Variants in BBS12 observed in about 807,000 individuals in gnomAD.
The protein encoded by BBS12 is Bardet-Biedl syndrome 12.
BBS12 carries 5 observed loss-of-function variants against 5.6 expected under a neutral mutation model. The ratio of observed to expected loss-of-function variants is 0.89; its 90% CI spans 0.46 to 1.86. BBS12 has a LOEUF of 1.86. BBS12 is among the 40% of genes most tolerant of loss of function. The pLI is 0.01. For synonymous variants in BBS12, 308 were observed against 306.8 expected (o/e 1.00, Z -0.04); for missense variants, 748 against 830.4 (o/e 0.90, Z 1.22).
chr4:122,700,988 T>C, the BBS12 span, among the ~76,000 whole-genome samples: 14 of 152,210 alleles, frequency 9.2e-5, no homozygotes, highest in Non-Finnish European at 2.1e-4. Context: ...TGAGTAGTGA[T>C]GCTGTGTGGC....
At chr4:122,705,336 G>A in the BBS12 span, among the ~76,000 whole-genome samples, 1 of 152,196 alleles carries the variant, frequency 6.6e-6, no homozygotes, top group Non-Finnish European at 1.5e-5. Flanking sequence ...GCCAGGTGCG[G>A]TGGCTCATGC....
At chr4:122,708,002 C>CT in the BBS12 span, among the ~76,000 whole-genome samples, 1 of 115,756 alleles carries the variant, frequency 8.6e-6, no homozygotes, top group Admixed American at 8.9e-5. Flanking sequence ...CTCTTTCTCT[C>CT]TTTTTTTTCT....
chr4:122,706,631 AT>A, the BBS12 span, among the ~76,000 whole-genome samples: 2 of 152,192 alleles, frequency 1.3e-5, no homozygotes, highest in African/African-American at 4.8e-5. Context: ...TTTGGGAAAA[AT>A]TTTTCCTATG....
At chr4:122,723,592 G>A in the BBS12 span, among the ~76,000 whole-genome samples, 1 of 152,156 alleles carries the variant, frequency 6.6e-6, no homozygotes, top group Non-Finnish European at 1.5e-5. Flanking sequence ...CTTTGGAGTT[G>A]CAAAAGTTCT....
At chr4:122,710,343 G>C in the BBS12 span, among the ~76,000 whole-genome samples, 1 of 152,164 alleles carries the variant, frequency 6.6e-6, no homozygotes, top group African/African-American at 2.4e-5. Context: ...AAAGATCTAA[G>C]GCAGGAGAAA....
the BBS12 span, among the ~76,000 whole-genome samples, chr4:122,720,260 G>A: frequency 6.6e-6 from 1 of 152,234 alleles, no homozygotes; most frequent in South Asian, 2.1e-4. Flanking sequence ...AGACCAGCCT[G>A]GCCAACATGG....
the BBS12 span, among the ~76,000 whole-genome samples, chr4:122,721,614 A>C: frequency 6.6e-6 from 1 of 152,176 alleles, no homozygotes; most frequent in African/African-American, 2.4e-5. Context: ...AGGCTTGCTA[A>C]CTTGTCTGTT....
intron 1 of BBS12, among the ~76,000 whole-genome samples, chr4:122,738,040 T>A (rs1800810854): frequency 6.6e-6 from 1 of 152,164 alleles, no homozygotes; most frequent in South Asian, 2.1e-4. Context: ...GTCAACAAAC[T>A]AAATATAAGA....
At chr4:122,736,124 A>G (rs1443342906) in intron 1 of BBS12, among the ~76,000 whole-genome samples, 1 of 152,212 alleles carries the variant, frequency 6.6e-6, no homozygotes, top group African/African-American at 2.4e-5. Flanking sequence ...ATAGTAAGTG[A>G]TAAAGTCAGA....
the BBS12 span, among the ~76,000 whole-genome samples, chr4:122,716,645 G>GA: frequency 9.1e-6 from 1 of 110,252 alleles, no homozygotes; most frequent in Non-Finnish European, 2.0e-5. Flanking sequence ...ATATACACAC[G>GA]TGTGTGTATA....
At chr4:122,707,264 T>C in the BBS12 span, among the ~76,000 whole-genome samples, 3 of 144,956 alleles carry the variant, frequency 2.1e-5, no homozygotes, top group Non-Finnish European at 3.0e-5. Flanking sequence ...CCACAGTCTA[T>C]GTCTCACATC....
chr4:122,730,917 G>C (rs985349628), upstream of BBS12: 3 of 152,040 alleles, frequency 2.0e-5, no homozygotes, highest in Non-Finnish European at 4.4e-5. Flanking sequence ...CAAATAATTT[G>C]AAAGTCTTCA....
chr4:122,709,141 C>T, the BBS12 span, among the ~76,000 whole-genome samples: 9 of 152,030 alleles, frequency 5.9e-5, no homozygotes, highest in Non-Finnish European at 1.3e-4. Context: ...ATATTACAAA[C>T]ATACAATTCC....
chr4:122,720,315 C>G, the BBS12 span, among the ~76,000 whole-genome samples: 16 of 152,172 alleles, frequency 1.1e-4, no homozygotes, highest in African/African-American at 3.9e-4. Context: ...GCCAGGCATG[C>G]TGGTGCACAT....
the BBS12 span, among the ~76,000 whole-genome samples, chr4:122,710,559 A>G: frequency 1.3e-5 from 2 of 152,362 alleles, no homozygotes; most frequent in African/African-American, 2.4e-5. Context: ...TTAGAGAGGT[A>G]TCGTGTTACA....
chr4:122,701,898 G>T, the BBS12 span, among the ~76,000 whole-genome samples: 1 of 152,122 alleles, frequency 6.6e-6, no homozygotes, highest in South Asian at 2.1e-4. Flanking sequence ...TTCTCCTGGG[G>T]CTTCAAGCAG....
In BBS12 at chr4:122,741,864, G is replaced by A. The variant is rs1260247323; in HGVS notation, c.-10-19G>A. The A allele has an allele frequency of 6.3e-7, 1 of 1,598,150 alleles. No homozygotes were observed. Among genetic ancestry groups the A allele is most frequent in the Admixed American group, 1.7e-5 (1 of 59,942 alleles). On this transcript the variant is annotated intron_variant, in intron 1 of 1. Transcript: ENST00000314218. ...TGAATTATACTGAATAAAGTTACAAGTTTTTATTTTGTTTGCAGATCATGA... is the reference window on the plus strand; with the variant it reads ...TGAATTATACTGAATAAAGTTACAAATTTTTATTTTGTTTGCAGATCATGA...
Position 122,742,895 on chromosome 4 carries a change from A to G in BBS12, c.1003A>G (p.Ile335Val). Residue 335 changes from isoleucine to valine, a missense_variant, in exon 2 of 2, where the codon ATC (isoleucine) becomes GTC (valine). Transcript: ENST00000314218. The part of the protein sequence containing the change: ...ETSSCVCPGY[I>V]TVVSVSNNPV... The stretch of plus-strand genomic sequence containing the variant: ...TTCTTCTTGTGTTTGTCCAGGATAT[A>G]TCACTGTTGTGTCAGTATCTAATAA... The G allele has an allele frequency of 1.9e-6, 3 of 1,614,238 alleles. No homozygotes were observed. Among genetic ancestry groups the G allele is most frequent in the Non-Finnish European group, 2.5e-6 (3 of 1,180,044 alleles).
chr4:122,730,694 C>T (rs1405706951), upstream of BBS12: 1 of 152,004 alleles, frequency 6.6e-6, no homozygotes, highest in African/African-American at 2.4e-5. Flanking sequence ...TGAAGTCAAA[C>T]ACATATTCAA....
Sources: gnomAD v4.1 joint callset for allele counts (sites outside exome capture counted in the v4.1 genomes callset) on GRCh38, gnomAD v4.1.1 for gene constraint, MANE v1.5 for transcripts, NCBI Gene and HGNC (gene_info 2026-07-23, HGNC 2026-07-21) for gene names.